The following TRIP12 variants were observed in gnomAD, a reference collection of about 807,000 sequenced individuals.
TRIP12 encodes the protein thyroid hormone receptor interactor 12.
A neutral mutation model predicts 244.2 loss-of-function variants in TRIP12; 25 were observed. The ratio of observed to expected loss-of-function variants is 0.10; its 90% CI spans 0.07 to 0.14. TRIP12 has a LOEUF of 0.14. Ranked by LOEUF, TRIP12 falls within the 10% of genes least tolerant of loss-of-function variation. The pLI, the probability that TRIP12 is intolerant of heterozygous loss-of-function variation, is 1.00. For synonymous variants in TRIP12, 905 were observed against 873.1 expected, an observed-to-expected ratio of 1.04 and a Z score of -0.64; for missense variants, 1,677 against 2,486.4, an observed-to-expected ratio of 0.67 and a Z score of 6.92.
At chr2:229,893,629 T>A (rs1405171516) in intron 1 of TRIP12, among the ~76,000 whole-genome samples, 1 of 152,228 alleles carries the variant, frequency 6.6e-6, no homozygotes, top group African/African-American at 2.4e-5. Flanking sequence ...CTGAGTTTTA[T>A]CAATATTTTT....
At chr2:229,848,469 A>C (rs2058032134) in intron 4 of TRIP12, among the ~76,000 whole-genome samples, 1 of 152,154 alleles carries the variant, frequency 6.6e-6, no homozygotes, top group South Asian at 2.1e-4. Flanking sequence ...CTTGGAAATA[A>C]AACATGGCAA....
At chr2:229,851,438 A>G (rs1432660090) in intron 4 of TRIP12, among the ~76,000 whole-genome samples, 2 of 152,134 alleles carry the variant, frequency 1.3e-5, no homozygotes, top group South Asian at 2.1e-4. Flanking sequence ...AAATGCACCA[A>G]TTAGCACCCT....
chr2:229,872,966 C>A lies in TRIP12; in HGVS notation c.98+7016G>T, dbSNP rs189627531. Among the ~76,000 whole-genome samples, 13 of 152,196 alleles carry A rather than the reference C, an allele frequency of 8.5e-5. No homozygotes were observed. The East Asian group carries it at 1.7e-3, about 20-fold the overall frequency. On this transcript the variant is annotated intron_variant, in intron 2 of 41. Transcript: ENST00000675903. Reference sequence around the variant, plus strand: ...ATAAACTGGTAAGTATCAGCTAAACCAATTAAAAAGTCAGTTCTCCTGTAC... The same window carrying A: ...ATAAACTGGTAAGTATCAGCTAAACAAATTAAAAAGTCAGTTCTCCTGTAC...
At chr2:229,798,041 T>G (rs989286132) in intron 23 of TRIP12, among the ~76,000 whole-genome samples, 2 of 152,228 alleles carry the variant, frequency 1.3e-5, no homozygotes, top group East Asian at 3.8e-4. Context: ...TAAAATACAC[T>G]GCAGGTCATT....
At chr2:229,808,880 C>T (rs1290442073) in intron 15 of TRIP12, among the ~76,000 whole-genome samples, 1 of 152,186 alleles carries the variant, frequency 6.6e-6, no homozygotes, top group Admixed American at 6.5e-5. Context: ...ATCAGGCAGG[C>T]ATTCTCTACT....
At chr2:229,830,918 G>A (rs542096709) in intron 6 of TRIP12, 79 bp from the exon 7 acceptor site, 66 of 1,299,282 alleles carry the variant, frequency 5.1e-5, no homozygotes, top group Non-Finnish European at 7.1e-5. Context: ...AAAAACCAAA[G>A]TTTTGCGGAC....
chr2:229,816,609 C>A (rs968841250), intron 9 of TRIP12, among the ~76,000 whole-genome samples: 5 of 152,036 alleles, frequency 3.3e-5, no homozygotes, highest in African/African-American at 1.2e-4. Flanking sequence ...TTATTAATAG[C>A]GAGAGCATAC....
intron 37 of TRIP12, among the ~76,000 whole-genome samples, chr2:229,776,043 T>C (rs2036152931): frequency 6.6e-6 from 1 of 152,144 alleles, no homozygotes; most frequent in African/African-American, 2.4e-5. Flanking sequence ...TCACAGAGCT[T>C]GCATGGTGTG....
rs1264563496 is a variant in TRIP12 at position 229,765,376 on chromosome 2, AAG to A, written c.*2176_*2177del. 6.6e-6 allele frequency: 1 copy of A among 152,224 alleles called. No homozygotes were observed. The highest frequency in any genetic ancestry group is 1.5e-5 in the Non-Finnish European group (1 of 68,050). 9.4% of individuals were successfully genotyped at this position (152,224 alleles called of 1,614,324 possible). Reference sequence around the variant, plus strand: ...CCTCTGGTGCAATAAGGCCTCTGCCAAGAGAGATTACTTTAAGAGTTTTCCTG... The same window carrying A: ...CCTCTGGTGCAATAAGGCCTCTGCCAAGAGATTACTTTAAGAGTTTTCCTG... On this transcript the variant is annotated 3_prime_UTR_variant, in exon 42 of 42. Transcript: ENST00000675903.
rs140780657 is a variant in TRIP12, at chr2:229,808,024, G to A, written c.2340-160C>T. 2.4e-4 allele frequency among the ~76,000 whole-genome samples: 37 copies of A among 152,098 alleles called. No individual in the cohort carries two copies. The East Asian group carries it at 5.8e-3, about 24-fold the overall frequency. On this transcript the variant is annotated intron_variant, in intron 16 of 41. Transcript: ENST00000675903. ...TCTGTCGCCCAGGCTGGATGGCAGT[G>A]GCACGATCTCAGCTCACTGCAACCT...
At chr2:229,812,536 T>C (rs1390081760) in intron 13 of TRIP12, among the ~76,000 whole-genome samples, 1 of 152,214 alleles carries the variant, frequency 6.6e-6, no homozygotes, top group Non-Finnish European at 1.5e-5. Context: ...TCGGGTGCCA[T>C]GGCTTAGGCC....
chr2:229,792,864 A>G, intron 27 of TRIP12, 109 bp downstream of exon 27: 2 of 1,205,480 alleles, frequency 1.7e-6, no homozygotes, highest in South Asian at 1.9e-5. Context: ...CCTGCCATCT[A>G]TTTTTTAACA....
intron 38 of TRIP12, among the ~76,000 whole-genome samples, chr2:229,773,325 C>T (rs900139826): frequency 3.9e-5 from 6 of 152,008 alleles, no homozygotes; most frequent in African/African-American, 1.2e-4. Flanking sequence ...CTGCCTACCA[C>T]GGCCAACCAA....
chr2:229,803,875 AAG>A, intron 19 of TRIP12, 122 bp downstream of exon 19: 1 of 919,104 alleles, frequency 1.1e-6, no homozygotes, highest in Non-Finnish European at 1.6e-6. Flanking sequence ...ATAGACAAAA[AAG>A]AGCTCAAGAT....
chr2:229,851,744 T>G (rs374144384), intron 4 of TRIP12, among the ~76,000 whole-genome samples: 15 of 151,430 alleles, frequency 9.9e-5, no homozygotes, highest in Non-Finnish European at 4.4e-5. Context: ...CCTTAAGAAC[T>G]GTAACACTCA....
chr2:229,826,552 G>A (rs371219501), intron 8 of TRIP12, among the ~76,000 whole-genome samples: 5 of 152,242 alleles, frequency 3.3e-5, no homozygotes, highest in African/African-American at 1.2e-4. Context: ...AAAATTAGGT[G>A]TCACTTAACA....
intron 9 of TRIP12, among the ~76,000 whole-genome samples, chr2:229,816,652 TAAC>T (rs1371167089): frequency 6.6e-6 from 1 of 152,202 alleles, no homozygotes; most frequent in African/African-American, 2.4e-5. Context: ...TAAATCTAAT[TAAC>T]AACCAGCACA....
At chr2:229,781,608 C>T (rs564564693) in intron 34 of TRIP12, among the ~76,000 whole-genome samples, 29 of 152,294 alleles carry the variant, frequency 1.9e-4, no homozygotes, top group South Asian at 6.2e-4. Context: ...TAACCCTAAT[C>T]CTGGGGGTTT....
chr2:229,836,944 C>A lies in TRIP12; in HGVS notation c.1174G>T (p.Ala392Ser), dbSNP rs1294954119. The change falls in exon 6 of 42, where the codon GCT becomes TCT. Residue 392 changes from alanine to serine, a missense_variant. Transcript: ENST00000675903. Reference protein sequence around the residue: ...SGLGKRGAAEARRQEKMADPE... With the variant: ...SGLGKRGAAESRRQEKMADPE... ...TCTGCCATTTTCTCCTGTCGACGAG[C>A]TTCAGCTGCTCCTCTTTTGCCCAGG... 7 of 1,593,740 alleles carry A rather than the reference C, an allele frequency of 4.4e-6. No individual in the cohort carries two copies. Among genetic ancestry groups the A allele is most frequent in the Non-Finnish European group, 6.0e-6 (7 of 1,173,164 alleles).
Sources: gnomAD v4.1 joint callset for allele counts (sites outside exome capture counted in the v4.1 genomes callset) on GRCh38, gnomAD v4.1.1 for gene constraint, MANE v1.5 for transcripts, NCBI Gene and HGNC (gene_info 2026-07-23, HGNC 2026-07-21) for gene names.